The following FUT8 variants were observed in gnomAD, a reference collection of about 807,000 sequenced individuals.
FUT8 encodes the protein fucosyltransferase 8.
A neutral mutation model predicts 71.3 loss-of-function variants in FUT8; 29 were observed. That is an observed-to-expected ratio of 0.41 (90% CI 0.30 to 0.55). FUT8 has a LOEUF of 0.55. Among genes scored for constraint, FUT8 ranks in the 20% least tolerant of loss-of-function variants. The pLI, the probability that FUT8 is intolerant of heterozygous loss-of-function variation, is 0.34. For missense variants in FUT8, 544 were observed against 702.1 expected (o/e 0.77, Z 2.55); for synonymous variants, 254 against 239.3 (o/e 1.06, Z -0.57).
upstream of FUT8, among the ~76,000 whole-genome samples, chr14:65,409,441 G>A (rs1222370491): frequency 6.6e-6 from 1 of 152,200 alleles, no homozygotes; most frequent in African/African-American, 2.4e-5. The surrounding 1 kb of genome is among the most constrained non-coding windows in gnomAD (Gnocchi z 5.4). Flanking sequence ...TTTGATTTGA[G>A]AATTAAATGG....
At chr14:65,379,333 C>T in the FUT8 span, among the ~76,000 whole-genome samples, 1 of 151,838 alleles carries the variant, frequency 6.6e-6, no homozygotes, top group Non-Finnish European at 1.5e-5. Context: ...AGTTTGAGAC[C>T]AGCCTGGCCA....
intron 7 of FUT8, among the ~76,000 whole-genome samples, chr14:65,718,491 A>G (rs917045131): frequency 6.6e-6 from 1 of 152,200 alleles, no homozygotes; most frequent in Non-Finnish European, 1.5e-5. Context: ...TTAAGATATC[A>G]ATAGGTTACA....
chr14:65,410,582 T>A (rs933546277), upstream of FUT8: 1 of 151,588 alleles, frequency 6.6e-6, no homozygotes, highest in African/African-American at 2.4e-5. Flanking sequence ...CAGGTTTTTT[T>A]TTTTTTTTTT....
At chr14:65,637,793 A>G (rs1890637440) in intron 6 of FUT8, among the ~76,000 whole-genome samples, 1 of 152,122 alleles carries the variant, frequency 6.6e-6, no homozygotes, top group African/African-American at 2.4e-5. Flanking sequence ...GCAGGTTGCC[A>G]GAAACGGGAC....
chr14:65,570,725 T>C (rs969000388), intron 3 of FUT8, among the ~76,000 whole-genome samples: 2 of 152,118 alleles, frequency 1.3e-5, no homozygotes, highest in African/African-American at 4.8e-5. Context: ...AGAGTTTAAG[T>C]GGATTCAAAG....
chr14:65,542,622 A>G (rs1884740816), intron 2 of FUT8, among the ~76,000 whole-genome samples: 1 of 152,194 alleles, frequency 6.6e-6, no homozygotes, highest in African/African-American at 2.4e-5. Flanking sequence ...TGTCTCTTGT[A>G]TGAAGAGTGC....
intron 6 of FUT8, among the ~76,000 whole-genome samples, chr14:65,639,571 A>G (rs920055298): frequency 6.6e-6 from 1 of 151,782 alleles, no homozygotes; most frequent in Non-Finnish European, 1.5e-5. Context: ...CTTTGTTTTG[A>G]TAGTTATATT....
chr14:65,406,692 C>A (rs572252862), upstream of FUT8, among the ~76,000 whole-genome samples: 1 of 152,138 alleles, frequency 6.6e-6, no homozygotes, highest in East Asian at 1.9e-4. Flanking sequence ...CCCACTACCA[C>A]GCCCAGCTAA....
chr14:65,716,505 C>T (rs1314366758), intron 7 of FUT8, among the ~76,000 whole-genome samples: 1 of 151,606 alleles, frequency 6.6e-6, no homozygotes, highest in African/African-American at 2.4e-5. Flanking sequence ...CCATTTAACC[C>T]TGAGTTGACA....
intron 3 of FUT8, among the ~76,000 whole-genome samples, chr14:65,594,376 T>C (rs1282194930): frequency 2.6e-5 from 4 of 152,154 alleles, no homozygotes. Context: ...TAAACTCCCT[T>C]CAGGCCCTGT....
chr14:65,454,998 T>C (rs2065876681), intron 1 of FUT8, among the ~76,000 whole-genome samples: 1 of 152,148 alleles, frequency 6.6e-6, no homozygotes, highest in Admixed American at 6.5e-5. Context: ...TTATGTCAGC[T>C]CTCAGGCAGG....
At chr14:65,512,922 A>G (rs1390029977) in intron 2 of FUT8, among the ~76,000 whole-genome samples, 1 of 151,056 alleles carries the variant, frequency 6.6e-6, no homozygotes, top group Admixed American at 6.6e-5. Context: ...AAAAAAAAAA[A>G]AAAGAAAAAG....
chr14:65,730,671 C>G (rs182477531), intron 9 of FUT8, among the ~76,000 whole-genome samples: 44 of 146,588 alleles, frequency 3.0e-4, no homozygotes, highest in Non-Finnish European at 5.1e-4. Flanking sequence ...GACTCAATCT[C>G]AAAAAAAAAA....
chr14:65,630,918 A>C (rs566203313), intron 6 of FUT8, among the ~76,000 whole-genome samples: 1 of 152,328 alleles, frequency 6.6e-6, no homozygotes, highest in East Asian at 1.9e-4. Flanking sequence ...TCCCTGTAAA[A>C]TTAAAGTATT....
chr14:65,539,365 G>T (rs1310928671), intron 2 of FUT8, among the ~76,000 whole-genome samples: 1 of 152,168 alleles, frequency 6.6e-6, no homozygotes, highest in Non-Finnish European at 1.5e-5. Context: ...GAAGTTGAGA[G>T]CAAGGGCTTC....
chr14:65,687,649 C>T (rs561909467), intron 7 of FUT8, among the ~76,000 whole-genome samples: 12 of 152,164 alleles, frequency 7.9e-5, no homozygotes, highest in African/African-American at 2.6e-4. Context: ...CAGTTTTAAG[C>T]TTATAGAAAA....
In FUT8 at chr14:65,478,528, A is replaced by G. The variant is rs978174348; in HGVS notation, c.-228+22810A>G. Among the ~76,000 whole-genome samples, 8 of 151,954 alleles carry G rather than the reference A, an allele frequency of 5.3e-5. No individual in the cohort carries two copies. In the East Asian group the frequency reaches 1.5e-3, roughly 29 times the overall value. The stretch of plus-strand genomic sequence containing the variant: ...TTTTTCTAATTTGGGGATAGCTCCT[A>G]TTTTTGTGAGAGAAATTAATGGGAA... On this transcript the variant is annotated intron_variant, in intron 2 of 10. Transcript: ENST00000673929.
At chr14:65,357,088 G>T in the FUT8 span, among the ~76,000 whole-genome samples, 3 of 152,228 alleles carry the variant, frequency 2.0e-5, no homozygotes, top group African/African-American at 7.2e-5. Context: ...CACTTACTAG[G>T]TGTGTGACCT....
chr14:65,423,913 C>T (rs971325144), intron 1 of FUT8, among the ~76,000 whole-genome samples: 1 of 152,216 alleles, frequency 6.6e-6, no homozygotes, highest in African/African-American at 2.4e-5. Flanking sequence ...GCAATGGCTT[C>T]ATGAATTCTT....
Sources: gnomAD v4.1 joint callset for allele counts (sites outside exome capture counted in the v4.1 genomes callset) on GRCh38, gnomAD v4.1.1 for gene constraint, Gnocchi (gnomAD v3.1) non-coding constraint, MANE v1.5 for transcripts, NCBI Gene and HGNC (gene_info 2026-07-23, HGNC 2026-07-21) for gene names.